ODR4: variants seen among roughly 807,000 people sequenced by gnomAD.
The protein encoded by ODR4 is protein odr-4 homolog.
In ODR4, 47 loss-of-function variants were observed where a neutral mutation model predicts 60.2. The observed-to-expected ratio is 0.78, with a 90% CI of 0.62 to 1.00. The LOEUF is 1.00. Ranked by LOEUF, ODR4 falls within the 50% of genes least tolerant of loss-of-function variation. The pLI is 0.00. For missense variants in ODR4, 488 were observed against 530.8 expected (o/e 0.92, Z 0.79); for synonymous variants, 178 against 175.5 (o/e 1.01, Z -0.11).
chr1:186,383,000 G>A (rs1660098665), intron 2 of ODR4, 22 bp from the exon 3 acceptor site: 1 of 1,570,114 alleles, frequency 6.4e-7, no homozygotes, highest in Non-Finnish European at 8.6e-7. Context: ...ACTCTAACAA[G>A]CTTTTTAATT....
chr1:186,394,935 A>G (rs1660613155), intron 9 of ODR4, among the ~76,000 whole-genome samples: 1 of 152,114 alleles, frequency 6.6e-6, no homozygotes, highest in African/African-American at 2.4e-5. Flanking sequence ...TCCACTACTT[A>G]TGTGCTTTTC....
chr1:186,401,115 A>G (rs1219236946), intron 11 of ODR4: 2 of 1,594,758 alleles, frequency 1.3e-6, no homozygotes, highest in East Asian at 4.5e-5. Context: ...CTTCTATTTA[A>G]AAATCCTTTA....
downstream of ODR4, among the ~76,000 whole-genome samples, chr1:186,422,508 T>G (rs1056188535): frequency 6.6e-6 from 1 of 152,178 alleles, no homozygotes; most frequent in African/African-American, 2.4e-5. Flanking sequence ...GCATTGTATA[T>G]TAGCAAAACT....
chr1:186,428,111 C>T, the ODR4 span, among the ~76,000 whole-genome samples: 2 of 152,192 alleles, frequency 1.3e-5, no homozygotes, highest in South Asian at 4.1e-4. Flanking sequence ...AAACAAGAGT[C>T]CGTCTGTCCT....
intron 13 of ODR4, among the ~76,000 whole-genome samples, chr1:186,418,289 CTTT>C (rs35821609): frequency 2.7e-5 from 3 of 110,382 alleles, no homozygotes; most frequent in Non-Finnish European, 3.7e-5. Context: ...TTCTTTCTTT[CTTT>C]TTTTTTTTTT....
chr1:186,434,872 G>T, the ODR4 span, among the ~76,000 whole-genome samples: 1 of 152,118 alleles, frequency 6.6e-6, no homozygotes, highest in Non-Finnish European at 1.5e-5. Context: ...ATTGTATGTT[G>T]TTAGCAATGA....
intron 1 of ODR4, among the ~76,000 whole-genome samples, chr1:186,379,319 T>C (rs1347152382): frequency 6.6e-6 from 1 of 151,748 alleles, no homozygotes; most frequent in African/African-American, 2.4e-5. Context: ...CGTGAGCCCC[T>C]GTAACCCCAG....
rs1459855696 is a variant in ODR4 at position 186,402,231 on chromosome 1, T to TTTCTTTCTTTCTTTCC, written c.1000+3190_1000+3191insTTTCTTTCTTTCCTTC. The stretch of plus-strand genomic sequence containing the variant: ...CTTTCTTTCTTTCTTTCTTTCTTTC[T>TTTCTTTCTTTCTTTCC]TTCCTTTCTTTCTTTCTCTTCTTTT... On this transcript the variant is annotated intron_variant, in intron 11 of 13. Coordinates refer to ENST00000287859, the MANE Select transcript of ODR4 (RefSeq NM_017847.6). Among the ~76,000 whole-genome samples, 726 of 149,514 alleles carry TTTCTTTCTTTCTTTCC rather than the reference T, an allele frequency of 4.9e-3. 5 individuals carry two copies. The highest frequency in any genetic ancestry group is 0.017 in the African/African-American group (686 of 40,252).
At chr1:186,391,822 T>C (rs1660480144) in intron 8 of ODR4, 31 bp downstream of exon 8, 1 of 1,319,498 alleles carries the variant, frequency 7.6e-7, no homozygotes, top group Admixed American at 1.9e-5. Flanking sequence ...CTTATTAAAT[T>C]GTTAGTGCTT....
downstream of ODR4, among the ~76,000 whole-genome samples, chr1:186,424,982 A>T (rs987590576): frequency 3.9e-5 from 6 of 152,042 alleles, no homozygotes; most frequent in Non-Finnish European, 1.5e-5. Context: ...GAAAAAAAAA[A>T]AAAACCCCTT....
At chr1:186,388,710 A>G (rs1660342155) in intron 5 of ODR4, among the ~76,000 whole-genome samples, 162 bp downstream of exon 5, 1 of 152,206 alleles carries the variant, frequency 6.6e-6, no homozygotes, top group Non-Finnish European at 1.5e-5. Flanking sequence ...TAATAATAAT[A>G]GCAATAATGG....
At chr1:186,381,685 A>G (rs959176383) in intron 2 of ODR4, among the ~76,000 whole-genome samples, 1 of 152,112 alleles carries the variant, frequency 6.6e-6, no homozygotes, top group Admixed American at 6.6e-5. Flanking sequence ...GGACAGAGCA[A>G]TTCATTCCTT....
At chr1:186,398,237 G>C in intron 9 of ODR4, 76 bp from the exon 10 acceptor site, 1 of 1,289,172 alleles carries the variant, frequency 7.8e-7, no homozygotes, top group Non-Finnish European at 1.0e-6. Context: ...TCATAAAATC[G>C]CTAATATAAT....
chr1:186,422,834 G>T (rs993652921), downstream of ODR4, among the ~76,000 whole-genome samples: 1 of 152,128 alleles, frequency 6.6e-6, no homozygotes, highest in African/African-American at 2.4e-5. Flanking sequence ...ATACAGGAAA[G>T]GGAATAAATC....
At chr1:186,421,880 AT>A (rs1215747637), downstream of ODR4, among the ~76,000 whole-genome samples, 105 of 28,922 alleles carry the variant, frequency 3.6e-3, no homozygotes, top group Middle Eastern at 0.014. Flanking sequence ...AAAAAAAAAA[AT>A]GATGAATCAT....
chr1:186,409,338 C>T (rs1661288530), intron 12 of ODR4, among the ~76,000 whole-genome samples: 1 of 152,204 alleles, frequency 6.6e-6, no homozygotes, highest in African/African-American at 2.4e-5. Context: ...ATGTGCATTT[C>T]AGCAAACATC....
At chr1:186,427,180 A>G in the ODR4 span, among the ~76,000 whole-genome samples, 10 of 152,350 alleles carry the variant, frequency 6.6e-5, no homozygotes, top group South Asian at 1.4e-3. Context: ...TTGCCACATC[A>G]ATTGACTCTT....
At chr1:186,412,896 C>T (rs1661425826) in intron 12 of ODR4, among the ~76,000 whole-genome samples, 1 of 151,924 alleles carries the variant, frequency 6.6e-6, no homozygotes, top group African/African-American at 2.4e-5. Context: ...GAACCTCTGA[C>T]TTGTAATGAA....
intron 11 of ODR4, among the ~76,000 whole-genome samples, chr1:186,402,091 C>G (rs1660980272): frequency 6.6e-6 from 1 of 151,642 alleles, no homozygotes. Context: ...CTCTCTTTTT[C>G]TTCTTCCTTT....
Sources: allele counts gnomAD v4.1 joint callset (sites outside exome capture counted in the v4.1 genomes callset), GRCh38; gene constraint gnomAD v4.1.1; transcripts MANE v1.5; gene names NCBI Gene and HGNC (gene_info 2026-07-23, HGNC 2026-07-21).